EEIG2: variants seen among roughly 807,000 people sequenced by gnomAD.
EEIG2 encodes the protein EEIG family member 2.
chr1:108,610,154 GTTTTGTTTTC>G, the EEIG2 span, among the ~76,000 whole-genome samples: 4 of 152,166 alleles, frequency 2.6e-5, no homozygotes, highest in Non-Finnish European at 4.4e-5. Context: ...GTGAGGTTTT[GTTTTGTTTTC>G]TTTTGTTCAT....
the EEIG2 span, among the ~76,000 whole-genome samples, chr1:108,594,290 T>C: frequency 6.6e-6 from 1 of 152,142 alleles, no homozygotes; most frequent in Non-Finnish European, 1.5e-5. Context: ...TGTAAGAATG[T>C]ATAAGAAGGG....
At chr1:108,618,207 A>G in the EEIG2 span, among the ~76,000 whole-genome samples, 2 of 152,202 alleles carry the variant, frequency 1.3e-5, no homozygotes, top group Non-Finnish European at 2.9e-5. Context: ...TGTTGCTAGA[A>G]CAGCGCCCTT....
At chr1:108,635,338 C>G in the EEIG2 span, 2 of 655,026 alleles carry the variant, frequency 3.1e-6, no homozygotes, top group South Asian at 3.8e-5. Context: ...ATCTACATGG[C>G]AGTCTCCAGG....
At chr1:108,573,538 A>G in the EEIG2 span, among the ~76,000 whole-genome samples, 12 of 152,342 alleles carry the variant, frequency 7.9e-5, no homozygotes, top group South Asian at 2.3e-3. Context: ...TCTCCAATAA[A>G]TCCAAGAATT....
At chr1:108,570,367 T>C in the EEIG2 span, among the ~76,000 whole-genome samples, 1 of 152,082 alleles carries the variant, frequency 6.6e-6, no homozygotes, top group Non-Finnish European at 1.5e-5. Context: ...GAGCCTAGAC[T>C]TGGTTCTGTG....
the EEIG2 span, chr1:108,606,266 C>T: frequency 6.5e-7 from 1 of 1,540,130 alleles, no homozygotes; most frequent in Non-Finnish European, 8.8e-7. Context: ...AGCAGATGTT[C>T]TTTTAACTGT....
At chr1:108,584,986 CCT>C in the EEIG2 span, among the ~76,000 whole-genome samples, 1 of 152,060 alleles carries the variant, frequency 6.6e-6, no homozygotes, top group Non-Finnish European at 1.5e-5. Context: ...AAATTAATAA[CCT>C]CTTATAAGCA....
the EEIG2 span, chr1:108,635,465 C>T: frequency 2.6e-5 from 6 of 232,092 alleles, no homozygotes; most frequent in East Asian, 8.6e-5. Context: ...TTATATACAT[C>T]GGAGTATCAT....
At chr1:108,579,738 G>GGTGTGTGT in the EEIG2 span, among the ~76,000 whole-genome samples, 15 of 108,038 alleles carry the variant, frequency 1.4e-4, no homozygotes, top group African/African-American at 5.6e-4. Flanking sequence ...TTGTTTTTTT[G>GGTGTGTGT]GTGTGTGTGT....
At chr1:108,624,724 C>T in the EEIG2 span, 10 of 1,613,870 alleles carry the variant, frequency 6.2e-6, no homozygotes, top group African/African-American at 1.1e-4. Flanking sequence ...TGGAGAGACT[C>T]TCAAAGTGCA....
At chr1:108,587,122 T>C in the EEIG2 span, among the ~76,000 whole-genome samples, 5 of 152,168 alleles carry the variant, frequency 3.3e-5, no homozygotes, top group African/African-American at 1.2e-4. Flanking sequence ...AATGCTTAGT[T>C]TGGGCTGGTG....
the EEIG2 span, among the ~76,000 whole-genome samples, chr1:108,616,587 G>A: frequency 6.6e-6 from 1 of 152,106 alleles, no homozygotes; most frequent in Admixed American, 6.6e-5. Context: ...TAGAAGTTAT[G>A]TTTACCTATT....
chr1:108,585,112 T>G, the EEIG2 span, among the ~76,000 whole-genome samples: 2 of 152,284 alleles, frequency 1.3e-5, no homozygotes, highest in African/African-American at 4.8e-5. Flanking sequence ...GTAACTTCCG[T>G]CATTATGCTA....
chr1:108,628,247 C>A, the EEIG2 span: 1 of 1,614,136 alleles, frequency 6.2e-7, no homozygotes. Context: ...TGCAAGTCAG[C>A]AGTCAAAAGT....
chr1:108,575,352 T>G, the EEIG2 span, among the ~76,000 whole-genome samples: 6 of 152,210 alleles, frequency 3.9e-5, no homozygotes, highest in Non-Finnish European at 8.8e-5. Flanking sequence ...TCAGCTAAAA[T>G]TAATAACTCC....
chr1:108,628,603 G>C, the EEIG2 span: 1 of 1,580,500 alleles, frequency 6.3e-7, no homozygotes, highest in South Asian at 1.2e-5. Context: ...TTAGTTTAAA[G>C]AATAAATTTT....
the EEIG2 span, among the ~76,000 whole-genome samples, chr1:108,624,038 A>G: frequency 6.6e-6 from 1 of 152,202 alleles, no homozygotes; most frequent in Non-Finnish European, 1.5e-5. Flanking sequence ...CACAGCTTTT[A>G]CGTGGAATAG....
chr1:108,634,566 A>G, the EEIG2 span, among the ~76,000 whole-genome samples: 1 of 152,208 alleles, frequency 6.6e-6, no homozygotes, highest in African/African-American at 2.4e-5. Context: ...GTGGTGGCTC[A>G]TGCCTGTAAT....
chr1:108,593,817 G>T, the EEIG2 span, among the ~76,000 whole-genome samples: 1 of 151,906 alleles, frequency 6.6e-6, no homozygotes, highest in Non-Finnish European at 1.5e-5. Context: ...TGTTTTGTTT[G>T]TTTTTTGAGA....
Sources: allele counts gnomAD v4.1 joint callset (sites outside exome capture counted in the v4.1 genomes callset), GRCh38; gene constraint gnomAD v4.1.1; transcripts MANE v1.5; gene names NCBI Gene and HGNC (gene_info 2026-07-23, HGNC 2026-07-21).